ZNF773: variants seen among roughly 807,000 people sequenced by gnomAD.
ZNF773 encodes zinc finger protein 773, also known as zinc finger protein 419B.
In ZNF773, 11 loss-of-function variants were observed where a neutral mutation model predicts 12.8. That is an observed-to-expected ratio of 0.86 (90% confidence interval 0.54 to 1.42). The LOEUF (loss-of-function observed/expected upper bound fraction) is 1.42, where lower values mean the gene tolerates loss of function less well. Among genes scored for constraint, ZNF773 ranks in the 40% most tolerant of loss-of-function variants. The probability of loss-of-function intolerance (pLI) is 0.00; values close to 1 mark genes in which losing one functional copy is unlikely to be tolerated. For missense variants in ZNF773, 518 were observed against 527.2 expected (o/e 0.98, Z 0.17); for synonymous variants, 175 against 178.4 (o/e 0.98, Z 0.15).
At chr19:57,512,400 A>ATTTT (rs747914066), downstream of ZNF773, among the ~76,000 whole-genome samples, 30 of 113,274 alleles carry the variant, frequency 2.6e-4, no homozygotes, top group South Asian at 1.2e-3. Flanking sequence ...AAGATGCAGT[A>ATTTT]TTTTTTTTTT....
rs758753374 is a variant in ZNF773, at chr19:57,508,140, CAAAAAAAAAAAAA to C, written c.*722_*734del. The C allele has an allele frequency of 2.5e-6, 2 of 784,770 alleles. No homozygotes were observed. The highest frequency in any genetic ancestry group is 1.3e-4 in the Admixed American group (1 of 7,420). The allele number at this position is 784,770 out of a possible 1,614,324, so 48.6% of individuals were successfully genotyped here. Reference sequence around the variant, plus strand: ...TGGGTGACAGAGTGAGACTTCGTCTCAAAAAAAAAAAAAAAAAACAAAAAAAACCCAGAAACTC... The same window carrying C: ...TGGGTGACAGAGTGAGACTTCGTCTCAAAAACAAAAAAAACCCAGAAACTC... On this transcript the variant is annotated 3_prime_UTR_variant, in exon 4 of 4. Coordinates refer to ENST00000282292, the MANE Select transcript of ZNF773 (RefSeq NM_198542.3).
At chr19:57,513,071 AAGG>A, downstream of ZNF773, 1 of 1,540,154 alleles carries the variant, frequency 6.5e-7, no homozygotes, top group Non-Finnish European at 8.8e-7. Flanking sequence ...GTGAGTGAAG[AAGG>A]TCTGCTGGAG....
Position 57,504,679 on chromosome 19 carries a change from A to G in ZNF773, c.56A>G (p.Asp19Gly), listed in dbSNP as rs1381678840. Residue 19 changes from aspartate (D) to glycine (G), a missense_variant, in exon 2 of 4, where the codon GAC (aspartate) becomes GGC (glycine). Coordinates refer to ENST00000282292, the MANE Select transcript of ZNF773 (RefSeq NM_198542.3). ...TAGCAGGGCTATGTGACCTTTGAGG[A>G]CGTGGCTGTCTACTTCTCCCAGGAG... ...PAQQGYVTFE[D>G]VAVYFSQEEW... 2 of 1,614,000 alleles carry G rather than the reference A, an allele frequency of 1.2e-6. No homozygotes were observed. Among genetic ancestry groups the G allele is most frequent in the Admixed American group, 3.3e-5 (2 of 60,000 alleles).
chr19:57,508,268 G>T (rs889181667), downstream of ZNF773: 151 of 1,202,370 alleles, frequency 1.3e-4, 1 homozygote, highest in Middle Eastern at 6.5e-4. Flanking sequence ...CTGATAGATT[G>T]TTCCTCCTGA....
chr19:57,504,549 T>C (rs953679107), intron 1 of ZNF773, 108 bp from the exon 2 acceptor site: 23 of 1,523,444 alleles, frequency 1.5e-5, no homozygotes, highest in South Asian at 7.5e-5. Context: ...AGGGTCTCTC[T>C]TCTGAGATGG....
chr19:57,501,285 T>C (rs1310280568), intron 1 of ZNF773, among the ~76,000 whole-genome samples: 9 of 150,232 alleles, frequency 6.0e-5, no homozygotes, highest in African/African-American at 1.2e-4. Context: ...TTCTTTCTTT[T>C]TTTTTTTTTT....
downstream of ZNF773, among the ~76,000 whole-genome samples, chr19:57,510,904 C>A (rs1475727576): frequency 2.1e-5 from 2 of 95,698 alleles, no homozygotes; most frequent in Non-Finnish European, 4.6e-5. Flanking sequence ...TGTCAGTTTT[C>A]CTTTAACTGT....
chr19:57,510,429 G>A (rs1462591063), downstream of ZNF773, among the ~76,000 whole-genome samples: 1 of 152,134 alleles, frequency 6.6e-6, no homozygotes, highest in East Asian at 1.9e-4. Context: ...CAGCACATTT[G>A]ATATATATGT....
downstream of ZNF773, chr19:57,516,033 G>T: frequency 1.3e-5 from 2 of 153,654 alleles, no homozygotes; most frequent in South Asian, 3.7e-4. Flanking sequence ...TGGGGACGAG[G>T]GTTTGCTTGT....
downstream of ZNF773, among the ~76,000 whole-genome samples, chr19:57,508,780 A>G (rs756976334): frequency 3.5e-5 from 5 of 144,046 alleles, no homozygotes; most frequent in Admixed American, 6.7e-5. Flanking sequence ...TTTTCGAATG[A>G]CTCAGTTTTG....
rs1378553662 is a variant in ZNF773, at chr19:57,506,675, A to C, written c.580A>C (p.Ser194Arg). ...FHAGKRHYKC[S>R]ECGKAFGQKY... ...TGCTGGAAAAAGGCATTACAAATGCAGTGAATGTGGGAAAGCCTTTGGTCA... is the reference window on the plus strand; with the variant it reads ...TGCTGGAAAAAGGCATTACAAATGCCGTGAATGTGGGAAAGCCTTTGGTCA... Residue 194 changes from serine (S) to arginine (R), a missense_variant, in exon 4 of 4, where the codon AGT (serine) becomes CGT (arginine). By Grantham distance (110) the Ser-to-Arg change is moderately radical (BLOSUM62 -1). Coordinates refer to ENST00000282292, the MANE Select transcript of ZNF773 (RefSeq NM_198542.3). 1 of 1,614,290 alleles carries C rather than the reference A, an allele frequency of 6.2e-7. No individual in the cohort carries two copies.
chr19:57,517,558 T>C (rs1342708114), downstream of ZNF773: 2 of 152,120 alleles, frequency 1.3e-5, no homozygotes, highest in Non-Finnish European at 2.9e-5. Context: ...AATGGATGCT[T>C]CAAAATAAAA....
downstream of ZNF773, chr19:57,514,264 G>T (rs2089818058): frequency 6.6e-6 from 1 of 152,204 alleles, no homozygotes; most frequent in African/African-American, 2.4e-5. Context: ...ATTACTGAAA[G>T]AAGTGTTCAG....
At chr19:57,506,301 T>C (rs1600151734) in intron 3 of ZNF773, 57 bp from the exon 4 acceptor site, 2 of 1,555,326 alleles carry the variant, frequency 1.3e-6, no homozygotes, top group East Asian at 4.5e-5. Context: ...CGTGTGAGAG[T>C]GCTGCCTTCT....
At position 57,507,054 on chromosome 19, in the gene ZNF773, A is replaced by T. The variant is rs1360431402; in HGVS notation, c.959A>T (p.Lys320Ile). ...KLFSFNSSLM[K>I]HQRVHTGERP... ...TTTAGTTTCAACTCCAGCCTCATGA[A>T]ACATCAGAGAGTTCACACTGGAGAA... The change falls in exon 4 of 4, where the codon AAA becomes ATA. Residue 320 changes from lysine (K) to isoleucine (I), a missense_variant. Coordinates refer to ENST00000282292, the MANE Select transcript of ZNF773 (RefSeq NM_198542.3). The T allele has an allele frequency of 6.2e-7, 1 of 1,614,160 alleles. No individual in the cohort carries two copies. The highest frequency in any genetic ancestry group is 2.2e-5 in the East Asian group (1 of 44,878).
chr19:57,500,645 G>T (rs1469591880), intron 1 of ZNF773, among the ~76,000 whole-genome samples: 1 of 152,180 alleles, frequency 6.6e-6, no homozygotes, highest in Non-Finnish European at 1.5e-5. Context: ...TGTTGCATCA[G>T]ATGTGACTGT....
chr19:57,506,242 CCT>C, intron 3 of ZNF773, 114 bp from the exon 4 acceptor site: 3 of 1,492,676 alleles, frequency 2.0e-6, no homozygotes, highest in Non-Finnish European at 1.8e-6. Context: ...GCGCTAGCCC[CCT>C]CATTCTGCAA....
chr19:57,507,600 A>G lies in ZNF773; in HGVS notation c.*176A>G, dbSNP rs1343879407. 3.5e-6 allele frequency: 5 copies of G among 1,417,458 alleles called. No individual in the cohort carries two copies. Among genetic ancestry groups the G allele is most frequent in the Non-Finnish European group, 4.6e-6 (5 of 1,093,656 alleles). The allele number at this position is 1,417,458 out of a possible 1,614,324, so 87.8% of individuals were successfully genotyped here. A position where few individuals can be genotyped will look rare whatever the true frequency, so the allele number is the denominator to read the frequency against. On this transcript the variant is annotated 3_prime_UTR_variant, in exon 4 of 4. Transcript: ENST00000282292. ...TGAATATGGTAAAAGGCCTCAGCCA[A>G]AGGCCTAACCGTATTCAACACCAGA...
chr19:57,506,655 G>T lies in ZNF773; in HGVS notation c.560G>T (p.Gly187Val), dbSNP rs1013025487. 1 of 1,614,078 alleles carries T rather than the reference G, an allele frequency of 6.2e-7. No homozygotes were observed. Among genetic ancestry groups the T allele is most frequent in the African/African-American group, 1.3e-5 (1 of 74,922 alleles). Reference sequence around the variant, plus strand: ...AAAAGTAGGGAGGCCTTTCATGCTGGAAAAAGGCATTACAAATGCAGTGAA... The same window carrying T: ...AAAAGTAGGGAGGCCTTTCATGCTGTAAAAAGGCATTACAAATGCAGTGAA... Reference protein sequence around the residue: ...SSKSREAFHAGKRHYKCSECG... With the variant: ...SSKSREAFHAVKRHYKCSECG... The change falls in exon 4 of 4, where the codon GGA becomes GTA. Residue 187 changes from glycine (G) to valine (V), a missense_variant. Transcript: ENST00000282292.
Sources: allele counts gnomAD v4.1 joint callset (sites outside exome capture counted in the v4.1 genomes callset), GRCh38; gene constraint gnomAD v4.1.1; transcripts MANE v1.5; gene names NCBI Gene and HGNC (gene_info 2026-07-23, HGNC 2026-07-21).